The following SIPA1L2 variants were observed in gnomAD, a reference collection of about 807,000 sequenced individuals.
The protein encoded by SIPA1L2 is signal-induced proliferation-associated 1-like protein 2.
A neutral mutation model predicts 163.9 loss-of-function variants in SIPA1L2; 56 were observed. The ratio of observed to expected loss-of-function variants is 0.34; its 90% CI spans 0.28 to 0.43. The LOEUF is 0.43. Ranked by LOEUF, SIPA1L2 falls within the 20% of genes least tolerant of loss-of-function variation. SIPA1L2 has a pLI of 1.00. For missense variants in SIPA1L2, 1,974 were observed against 2,193.5 expected (o/e 0.90, Z 2.00); for synonymous variants, 877 against 865.7 (o/e 1.01, Z -0.23).
chr1:232,434,977 C>G (rs186937022), intron 15 of SIPA1L2, among the ~76,000 whole-genome samples: 1 of 152,292 alleles, frequency 6.6e-6, no homozygotes, highest in Non-Finnish European at 1.5e-5. Context: ...AGTCCACATG[C>G]TAGTTTCCCC....
At chr1:232,517,043 A>G (rs1047975922) in intron 2 of SIPA1L2, among the ~76,000 whole-genome samples, 1 of 152,338 alleles carries the variant, frequency 6.6e-6, no homozygotes, top group East Asian at 1.9e-4. Context: ...ACATACGGGT[A>G]AATTGCAGTG....
chr1:232,526,884 C>T (rs903872541), intron 2 of SIPA1L2, among the ~76,000 whole-genome samples: 1 of 152,154 alleles, frequency 6.6e-6, no homozygotes, highest in Admixed American at 6.5e-5. Flanking sequence ...TCTTCCCTCC[C>T]AGACTGAAGT....
In SIPA1L2 at chr1:232,491,057, T is replaced by C; in HGVS notation, c.1623A>G (p.Thr541=). 1 of 1,612,694 alleles carries C rather than the reference T, an allele frequency of 6.2e-7. No homozygotes were observed. Among genetic ancestry groups the C allele is most frequent in the African/African-American group, 1.3e-5 (1 of 75,010 alleles). Residue 541 remains threonine, a synonymous_variant, in exon 5 of 23, where the codon ACA becomes ACG. Transcript: ENST00000674635. The stretch of plus-strand genomic sequence containing the variant: ...CTTCTAAAATTGCTCCTCTCAGTGT[T>C]GTAAGCTGCAGTGACAAAACATAAG... ...YRVAFRTSEL[T]TLRGAILEDA... is the part of the protein sequence containing the mutation.
rs147730605 is a variant in SIPA1L2 at position 232,569,889 on chromosome 1, G to A, written c.-270+4285C>T. 3.1e-3 allele frequency among the ~76,000 whole-genome samples: 467 copies of A among 152,260 alleles called. 2 individuals are homozygous for A. The highest frequency in any genetic ancestry group is 5.4e-3 in the Admixed American group (83 of 15,288). ...AAGTCTAGAATTCTACTGGCCTTAC[G>A]AAACTGACCATAAAATAAAAAAGTG... is the stretch of plus-strand genomic sequence containing the variant. On this transcript the variant is annotated intron_variant, in intron 2 of 22. Coordinates refer to ENST00000674635, the MANE Select transcript of SIPA1L2 (RefSeq NM_020808.5).
intron 16 of SIPA1L2, among the ~76,000 whole-genome samples, chr1:232,431,552 G>T (rs1662240094): frequency 6.6e-6 from 1 of 152,176 alleles, no homozygotes; most frequent in Non-Finnish European, 1.5e-5. Flanking sequence ...TCGCAGGCAG[G>T]TACAGCAGAG....
chr1:232,598,570 C>T (rs1661409186), intron 1 of SIPA1L2, among the ~76,000 whole-genome samples: 1 of 152,124 alleles, frequency 6.6e-6, no homozygotes, highest in Non-Finnish European at 1.5e-5. Context: ...GCTTATAAAC[C>T]AAGAAATTTA....
chr1:232,569,368 T>C (rs949823104), intron 2 of SIPA1L2, among the ~76,000 whole-genome samples: 1 of 152,204 alleles, frequency 6.6e-6, no homozygotes, highest in African/African-American at 2.4e-5. Context: ...CCCTGACTTG[T>C]TCTTGACAAC....
chr1:232,430,221 T>C (rs889051627), intron 16 of SIPA1L2, among the ~76,000 whole-genome samples: 2 of 152,158 alleles, frequency 1.3e-5, no homozygotes, highest in East Asian at 3.9e-4. Flanking sequence ...GAAGACACTG[T>C]AGGAAGTACT....
intron 2 of SIPA1L2, among the ~76,000 whole-genome samples, chr1:232,530,145 T>C (rs909052847): frequency 6.6e-6 from 1 of 151,974 alleles, no homozygotes; most frequent in African/African-American, 2.4e-5. Context: ...AGATGGAGTC[T>C]TGCTCTGTCG....
In SIPA1L2 at chr1:232,432,280, G is replaced by A. The variant is rs201107430; in HGVS notation, c.4223C>T (p.Pro1408Leu). Residue 1408 changes from proline (P) to leucine (L), a missense_variant, in exon 16 of 23, where the codon CCG (proline) becomes CTG (leucine). Transcript: ENST00000674635. ...TTCAGTCACTTCAGGCTCCTCGGGC[G>A]GTGGGCTGCCCTCCGATTTCTTCCA... ...IGWKKSEGSPPPEEPEVTECP... is the reference protein window; with the variant it reads ...IGWKKSEGSPLPEEPEVTECP... 1.1e-5 allele frequency: 18 copies of A among 1,614,100 alleles called. No individual in the cohort carries two copies. The highest frequency in any genetic ancestry group is 1.4e-5 in the Non-Finnish European group (17 of 1,180,024).
At position 232,514,486 on chromosome 1, in the gene SIPA1L2, T is replaced by C; in HGVS notation, c.854A>G (p.Glu285Gly). Residue 285 changes from glutamate (E) to glycine (G), a missense_variant, in exon 3 of 23, where the codon GAG (glutamate) becomes GGG (glycine). Physicochemically the swap from Glu to Gly is moderately conservative, Grantham distance 98. This residue lies in a region of SIPA1L2 where 607 missense variants were observed against 624.0 expected (regional missense o/e 0.97). Coordinates refer to ENST00000674635, the MANE Select transcript of SIPA1L2 (RefSeq NM_020808.5). ...TCGGAAGAGAGATGTTTCCACCGAC[T>C]CTGATTTCAACCTCCGTTTGAAAGG... is the stretch of plus-strand genomic sequence containing the variant. ...DKPFKRRLKS[E>G]SVETSLFRKL... 6.2e-7 allele frequency: 1 copy of C among 1,614,202 alleles called. No individual in the cohort carries two copies. Among genetic ancestry groups the C allele is most frequent in the South Asian group, 1.1e-5 (1 of 91,088 alleles).
In SIPA1L2 at chr1:232,454,080, G is replaced by A. The variant is rs115037147; in HGVS notation, c.3095+6807C>T. ...TTTCTGGTACATAAAAAAATCAAAG[G>A]CTTCCAACCGGGAGATAACCACATA... is the stretch of plus-strand genomic sequence containing the variant. On this transcript the variant is annotated intron_variant, in intron 10 of 22. Transcript: ENST00000674635. Among the ~76,000 whole-genome samples, 1,188 of 152,144 alleles carry A rather than the reference G, an allele frequency of 7.8e-3. 15 individuals are homozygous for A. The highest frequency in any genetic ancestry group is 0.027 in the African/African-American group (1,127 of 41,492).
chr1:232,602,611 G>A (rs375267357), intron 1 of SIPA1L2, among the ~76,000 whole-genome samples: 19 of 152,064 alleles, frequency 1.2e-4, no homozygotes, highest in East Asian at 7.8e-4. Context: ...CTACGGGCGT[G>A]AGCCACTGCC....
intron 15 of SIPA1L2, among the ~76,000 whole-genome samples, chr1:232,437,279 TTG>T (rs1360472659): frequency 6.6e-6 from 1 of 152,158 alleles, no homozygotes; most frequent in Non-Finnish European, 1.5e-5. Flanking sequence ...CATCTCAACT[TTG>T]AACTAGATGT....
intron 10 of SIPA1L2, among the ~76,000 whole-genome samples, chr1:232,454,507 T>G (rs1663778462): frequency 1.3e-5 from 2 of 152,224 alleles, no homozygotes; most frequent in African/African-American, 2.4e-5. Context: ...GGAGTAACAC[T>G]GCACTGTAAT....
At chr1:232,523,658 T>C (rs1353286729) in intron 2 of SIPA1L2, among the ~76,000 whole-genome samples, 1 of 152,190 alleles carries the variant, frequency 6.6e-6, no homozygotes, top group Non-Finnish European at 1.5e-5. Flanking sequence ...ACTGGCAGGC[T>C]GGAGCTTTAA....
rs116569333 is a variant in SIPA1L2 at position 232,572,392 on chromosome 1, C to A, written c.-270+1782G>T. Reference sequence around the variant, plus strand: ...TTCACTATCTCCCTCGTTTTACTTCCGCATCAGAATTTACTCAGTCTCAAC... The same window carrying A: ...TTCACTATCTCCCTCGTTTTACTTCAGCATCAGAATTTACTCAGTCTCAAC... On this transcript the variant is annotated intron_variant, in intron 2 of 22. Coordinates refer to ENST00000674635, the MANE Select transcript of SIPA1L2 (RefSeq NM_020808.5). 5.8e-3 allele frequency among the ~76,000 whole-genome samples: 877 copies of A among 152,188 alleles called. 8 individuals are homozygous for A. The highest frequency in any genetic ancestry group is 0.02 in the African/African-American group (843 of 41,520).
intron 1 of SIPA1L2, among the ~76,000 whole-genome samples, chr1:232,606,338 A>G (rs1462166614): frequency 2.0e-5 from 3 of 152,172 alleles, no homozygotes; most frequent in Non-Finnish European, 4.4e-5. Flanking sequence ...GCTAATTTTT[A>G]TTTTTAACAT....
Position 232,439,118 on chromosome 1 carries a change from A to G in SIPA1L2, c.4021T>C (p.Ser1341Pro), listed in dbSNP as rs767195172. Residue 1341 changes from serine (S) to proline (P), a missense_variant, in exon 15 of 23, where the codon TCT becomes CCT. Ser to Pro is a moderately conservative substitution (Grantham distance 74, BLOSUM62 -1). Transcript: ENST00000674635. ...GSMGDLSEIS[S>P]HSSGSHHSGS... ...TGCTGTGGGGCTTACCTGGAATGAG[A>G]GGATATCTCACTGAGATCGCCCATG... The G allele has an allele frequency of 1.0e-5, 16 of 1,605,512 alleles. No individual in the cohort carries two copies. Among genetic ancestry groups the G allele is most frequent in the Non-Finnish European group, 1.4e-5 (16 of 1,175,470 alleles).
Sources: allele counts gnomAD v4.1 joint callset (sites outside exome capture counted in the v4.1 genomes callset), GRCh38; gene constraint gnomAD v4.1.1; regional missense constraint gnomAD v4.1.1; transcripts MANE v1.5; gene names NCBI Gene and HGNC (gene_info 2026-07-23, HGNC 2026-07-21).